INO80: variants seen among roughly 807,000 people sequenced by gnomAD.
INO80 encodes chromatin-remodeling ATPase INO80.
INO80 carries 20 observed loss-of-function variants against 203.4 expected under a neutral mutation model. The observed-to-expected ratio is 0.10, with a 90% CI of 0.07 to 0.14. The LOEUF is 0.14. INO80 is among the 10% of genes least tolerant of loss of function. The pLI, the probability that INO80 is intolerant of heterozygous loss-of-function variation, is 1.00. For missense variants in INO80, 1,419 were observed against 1,914.4 expected (o/e 0.74, Z 4.83); for synonymous variants, 726 against 685.2 (o/e 1.06, Z -0.93).
chr15:41,073,028 C>T (rs2045348486), intron 11 of INO80, among the ~76,000 whole-genome samples: 1 of 152,026 alleles, frequency 6.6e-6, no homozygotes, highest in Admixed American at 6.6e-5. Context: ...ATCCACCCAC[C>T]TCAGCCTCCC....
intron 35 of INO80, among the ~76,000 whole-genome samples, chr15:40,981,777 G>A (rs1390962955): frequency 1.3e-5 from 2 of 152,158 alleles, no homozygotes; most frequent in South Asian, 2.1e-4. Context: ...CAAACTGTCT[G>A]CAGCCCCTTG....
intron 21 of INO80, 93 bp from the exon 22 acceptor site, chr15:41,048,369 A>T (rs1419255728): frequency 1.1e-6 from 1 of 942,482 alleles, no homozygotes; most frequent in Non-Finnish European, 1.7e-6. Flanking sequence ...AAAACCTTTT[A>T]GTTTTGAAAC....
Position 40,983,097 on chromosome 15 carries a change from A to G in INO80, c.4238-20T>C. On this transcript the variant is annotated intron_variant, in intron 34 of 35. Coordinates refer to ENST00000648947, the MANE Select transcript of INO80 (RefSeq NM_017553.3). ...AAATTCCTGTGGGAACAAATGGGCC[A>G]AAAGGGAAAGAAAAAAAAAAAAAGT... The G allele has an allele frequency of 1.9e-6, 3 of 1,590,958 alleles. No homozygotes were observed. Among genetic ancestry groups the G allele is most frequent in the South Asian group, 1.1e-5 (1 of 89,842 alleles).
Position 40,997,544 on chromosome 15 carries a change from G to T in INO80, c.3555C>A (p.Leu1185=). The T allele has an allele frequency of 6.2e-7, 1 of 1,609,552 alleles. No individual in the cohort carries two copies. The highest frequency in any genetic ancestry group is 1.1e-5 in the South Asian group (1 of 90,958). The change falls in exon 29 of 36, where the codon CTC becomes CTA. Residue 1185 remains leucine, a synonymous_variant. Coordinates refer to ENST00000648947, the MANE Select transcript of INO80 (RefSeq NM_017553.3). ...STRAGGLGIN[L]TAADTVIFYD... ...CATTACTTACTGTGTCTGCAGCAGT[G>T]AGATTGATACCCAGTCCTCCAGCTC... is the stretch of plus-strand genomic sequence containing the variant.
chr15:41,061,096 T>C (rs1397821658), intron 14 of INO80, among the ~76,000 whole-genome samples: 1 of 152,064 alleles, frequency 6.6e-6, no homozygotes, highest in Non-Finnish European at 1.5e-5. Flanking sequence ...CACCTGAGCA[T>C]GGGAGTTTCA....
At chr15:41,071,574 C>G (rs2045317588) in intron 12 of INO80, among the ~76,000 whole-genome samples, 1 of 151,706 alleles carries the variant, frequency 6.6e-6, no homozygotes, top group African/African-American at 2.4e-5. Context: ...CCTGCCTCAG[C>G]CTCCCAAGTA....
chr15:41,101,551 C>CTT (rs773003985), intron 1 of INO80, among the ~76,000 whole-genome samples: 8 of 142,018 alleles, frequency 5.6e-5, no homozygotes, highest in Non-Finnish European at 7.7e-5. Flanking sequence ...TTATTTGTAA[C>CTT]TTTTTTTTTT....
At chr15:41,083,406 C>A (rs1233311988) in intron 7 of INO80, among the ~76,000 whole-genome samples, 1 of 151,826 alleles carries the variant, frequency 6.6e-6, no homozygotes, top group Non-Finnish European at 1.5e-5. Flanking sequence ...AAGGTAATAT[C>A]CTCAAAACAT....
At chr15:41,027,491 G>T in intron 25 of INO80, 105 bp downstream of exon 25, 1 of 992,250 alleles carries the variant, frequency 1.0e-6, no homozygotes, top group Non-Finnish European at 1.5e-6. Context: ...GTTTCTTAAA[G>T]TCCAAATAGT....
intron 18 of INO80, among the ~76,000 whole-genome samples, chr15:41,054,620 A>C (rs1332669572): frequency 6.6e-6 from 1 of 152,188 alleles, no homozygotes. Context: ...CATTTGACCC[A>C]TTTGACCCAC....
At chr15:41,100,275 T>C (rs1449869780) in intron 1 of INO80, among the ~76,000 whole-genome samples, 7 of 151,998 alleles carry the variant, frequency 4.6e-5, no homozygotes, top group East Asian at 1.9e-4. Flanking sequence ...GGGGTTTCAC[T>C]GTGTTAGCCA....
intron 25 of INO80, among the ~76,000 whole-genome samples, chr15:41,024,323 ATACTT>A (rs1435904575): frequency 6.6e-6 from 1 of 152,214 alleles, no homozygotes; most frequent in South Asian, 2.1e-4. Context: ...AATGTCCAAT[ATACTT>A]AGAGTAAATC....
At chr15:41,112,585 G>A (rs1023356461) in intron 1 of INO80, among the ~76,000 whole-genome samples, 3 of 151,870 alleles carry the variant, frequency 2.0e-5, no homozygotes, top group Admixed American at 6.6e-5. Flanking sequence ...TCAAGAGATC[G>A]AGACCATCCT....
chr15:41,086,305 T>C (rs951877888), intron 6 of INO80, among the ~76,000 whole-genome samples: 8 of 151,866 alleles, frequency 5.3e-5, no homozygotes, highest in Admixed American at 2.0e-4. Flanking sequence ...AAAACACTAA[T>C]AAAGATAATA....
intron 31 of INO80, among the ~76,000 whole-genome samples, chr15:40,985,807 C>CT (rs2043724370): frequency 6.6e-6 from 1 of 152,072 alleles, no homozygotes; most frequent in Non-Finnish European, 1.5e-5. Context: ...ACCCCAGAGG[C>CT]TGAGTCAGGA....
At chr15:41,052,674 CAAAAAA>C (rs60685375) in intron 19 of INO80, among the ~76,000 whole-genome samples, 20 of 107,224 alleles carry the variant, frequency 1.9e-4, no homozygotes, top group African/African-American at 5.8e-4. Flanking sequence ...CCTTGTCTTA[CAAAAAA>C]AAAAAAAAAA....
intron 15 of INO80, among the ~76,000 whole-genome samples, chr15:41,059,339 T>C (rs956327667): frequency 1.9e-4 from 29 of 150,610 alleles, no homozygotes; most frequent in Admixed American, 1.7e-3. Context: ...AAGAAAAAAG[T>C]TCTGGCCAGG....
intron 27 of INO80, among the ~76,000 whole-genome samples, chr15:41,014,097 C>T (rs551962318): frequency 3.1e-4 from 47 of 152,264 alleles, no homozygotes; most frequent in Non-Finnish European, 5.9e-4. Context: ...TAGAAGTGTG[C>T]GATACACCGA....
chr15:41,030,511 G>C (rs918886557), intron 24 of INO80, among the ~76,000 whole-genome samples: 1 of 151,874 alleles, frequency 6.6e-6, no homozygotes, highest in African/African-American at 2.4e-5. Flanking sequence ...CTACAGGTGC[G>C]CACCACCACG....
Sources: allele counts gnomAD v4.1 joint callset (sites outside exome capture counted in the v4.1 genomes callset), GRCh38; gene constraint gnomAD v4.1.1; transcripts MANE v1.5; gene names NCBI Gene and HGNC (gene_info 2026-07-23, HGNC 2026-07-21).